PCDHA13: variants seen among roughly 807,000 people sequenced by gnomAD.
PCDHA13 encodes the protein protocadherin alpha 13.
Under a neutral mutation model 64.8 loss-of-function variants are expected in PCDHA13, and 54 were observed. The observed-to-expected ratio is 0.83, with a 90% CI of 0.67 to 1.04. The LOEUF (loss-of-function observed/expected upper bound fraction) is 1.04. Among genes scored for constraint, PCDHA13 ranks in the 50% least tolerant of loss-of-function variants. The pLI, the probability that PCDHA13 is intolerant of heterozygous loss-of-function variation, is 0.00. For synonymous variants in PCDHA13, 587 were observed against 564.4 expected (o/e 1.04, Z -0.57); for missense variants, 1,248 against 1,254.3 (o/e 0.99, Z 0.08).
rs2080357826 is a variant in PCDHA13 at position 140,921,739 on chromosome 5, G to T, written c.2394+37077G>T. The stretch of plus-strand genomic sequence containing the variant: ...CGAATTACTCCCATAAAAATTATAA[G>T]CATAACAGGACACTTCTTGGCTACT... On this transcript the variant is annotated intron_variant, in intron 1 of 3. Transcript: ENST00000289272. Among the ~76,000 whole-genome samples, 7 of 152,134 alleles carry T rather than the reference G, an allele frequency of 4.6e-5. No individual in the cohort carries two copies. In the South Asian group the frequency reaches 1.5e-3, roughly 32 times the overall value.
At position 140,978,454 on chromosome 5, in the gene PCDHA13, C is replaced by T. The variant is rs980177257; in HGVS notation, c.2395-495C>T. Among the ~76,000 whole-genome samples, 5 of 152,314 alleles carry T rather than the reference C, an allele frequency of 3.3e-5. No individual in the cohort carries two copies. The South Asian group carries it at 8.3e-4, about 25-fold the overall frequency. ...TGCTGGTGTTATGACTGGGCACATC[C>T]GCCCTGGGTCAAATATGCTGCAGTC... On this transcript the variant is annotated intron_variant, in intron 1 of 3. Coordinates refer to ENST00000289272, the MANE Select transcript of PCDHA13 (RefSeq NM_018904.3).
intron 1 of PCDHA13, among the ~76,000 whole-genome samples, chr5:140,922,818 C>T (rs530870255): frequency 6.6e-6 from 1 of 152,208 alleles, no homozygotes; most frequent in Admixed American, 6.5e-5. Flanking sequence ...GGAGATACAG[C>T]ATACTGCTAA....
At chr5:140,942,838 A>G (rs2093377015) in intron 1 of PCDHA13, among the ~76,000 whole-genome samples, 1 of 152,198 alleles carries the variant, frequency 6.6e-6, no homozygotes, top group Non-Finnish European at 1.5e-5. Context: ...GTCAATAAAA[A>G]TTCCAGTAAG....
chr5:140,987,008 G>T (rs958548514), intron 3 of PCDHA13, among the ~76,000 whole-genome samples: 1 of 152,142 alleles, frequency 6.6e-6, no homozygotes, highest in Non-Finnish European at 1.5e-5. Context: ...GAGGTCATGA[G>T]TTCGAGACCA....
intron 1 of PCDHA13, among the ~76,000 whole-genome samples, chr5:140,918,149 A>G (rs2078550151): frequency 1.3e-5 from 2 of 151,946 alleles, no homozygotes; most frequent in African/African-American, 4.8e-5. Flanking sequence ...CTTTTTGTGT[A>G]TGTCTATTGT....
At chr5:140,953,554 A>C (rs1554220985) in intron 1 of PCDHA13, among the ~76,000 whole-genome samples, 2 of 152,044 alleles carry the variant, frequency 1.3e-5, no homozygotes, top group Non-Finnish European at 2.9e-5. Flanking sequence ...TCTTTTCTCC[A>C]AGTTTTAGTG....
At chr5:140,895,038 C>G (rs1554186328) in intron 1 of PCDHA13, among the ~76,000 whole-genome samples, 1 of 152,104 alleles carries the variant, frequency 6.6e-6, no homozygotes, top group African/African-American at 2.4e-5. Context: ...TGTCCCCCAC[C>G]CACACCATTC....
intron 3 of PCDHA13, among the ~76,000 whole-genome samples, chr5:140,992,799 A>T (rs577698123): frequency 6.6e-6 from 1 of 152,274 alleles, no homozygotes; most frequent in African/African-American, 2.4e-5. Flanking sequence ...TTATGGATCC[A>T]TATGTATCTA....
intron 3 of PCDHA13, among the ~76,000 whole-genome samples, chr5:141,002,792 A>G (rs576285489): frequency 6.6e-6 from 1 of 152,306 alleles, no homozygotes; most frequent in South Asian, 2.1e-4. Context: ...CATTTTATGG[A>G]TGAGGAAACT....
At chr5:140,989,329 C>A (rs1554250749) in intron 3 of PCDHA13, among the ~76,000 whole-genome samples, 2 of 152,120 alleles carry the variant, frequency 1.3e-5, no homozygotes, top group African/African-American at 4.8e-5. Context: ...AACTTTGCCA[C>A]CTGACTCAGC....
intron 1 of PCDHA13, chr5:140,966,838 G>T: frequency 6.4e-7 from 1 of 1,566,772 alleles, no homozygotes. Flanking sequence ...CCTGGCTGCT[G>T]CTACTGCCTC....
chr5:140,997,123 A>T (rs1409528818), intron 3 of PCDHA13, among the ~76,000 whole-genome samples: 1 of 152,070 alleles, frequency 6.6e-6, no homozygotes, highest in African/African-American at 2.4e-5. Flanking sequence ...TCCCACATAC[A>T]CAATGCCCCC....
At chr5:140,946,314 T>C (rs1307176539) in intron 1 of PCDHA13, among the ~76,000 whole-genome samples, 2 of 151,808 alleles carry the variant, frequency 1.3e-5, no homozygotes, top group African/African-American at 4.8e-5. Flanking sequence ...ATGGCTATTA[T>C]TGAAAGAGGA....
rs1554203742 is a variant in PCDHA13 at position 140,926,854 on chromosome 5, G to A, written c.2394+42192G>A. 10 of 1,520,530 alleles carry A rather than the reference G, an allele frequency of 6.6e-6. No homozygotes were observed. In the South Asian group the frequency reaches 1.3e-4, roughly 20 times the overall value. The allele number at this position is 1,520,530 out of a possible 1,614,324, so 94.2% of individuals were successfully genotyped here. On this transcript the variant is annotated intron_variant, in intron 1 of 3. Transcript: ENST00000289272. Reference sequence around the variant, plus strand: ...GGAGCATGGTCCTGGGTCACCGTTGGTGTAGCGTGTTGGTGGAACGTGGAC... The same window carrying A: ...GGAGCATGGTCCTGGGTCACCGTTGATGTAGCGTGTTGGTGGAACGTGGAC...
At chr5:140,997,986 A>C (rs1554256110) in intron 3 of PCDHA13, among the ~76,000 whole-genome samples, 2 of 152,186 alleles carry the variant, frequency 1.3e-5, no homozygotes, top group African/African-American at 4.8e-5. Flanking sequence ...CACTTGTTAC[A>C]TACTTCCCTC....
chr5:140,918,238 T>A (rs1486197237), intron 1 of PCDHA13, among the ~76,000 whole-genome samples: 3 of 152,176 alleles, frequency 2.0e-5, no homozygotes, highest in African/African-American at 7.2e-5. Context: ...GTACATTGAT[T>A]TTGTATGCTG....
chr5:140,988,557 T>G (rs1236263807), intron 3 of PCDHA13, among the ~76,000 whole-genome samples: 3 of 152,190 alleles, frequency 2.0e-5, no homozygotes, highest in African/African-American at 7.2e-5. Context: ...CTTCATCTTC[T>G]TCTTGGGAAA....
intron 1 of PCDHA13, among the ~76,000 whole-genome samples, chr5:140,941,223 C>CTT (rs1276732463): frequency 3.0e-5 from 4 of 132,446 alleles, no homozygotes; most frequent in African/African-American, 1.2e-4. Context: ...TCCTTTCTTT[C>CTT]TTTCTTTCTT....
At chr5:140,978,873 A>G in intron 1 of PCDHA13, 76 bp from the exon 2 acceptor site, 2 of 1,608,618 alleles carry the variant, frequency 1.2e-6, no homozygotes, top group Non-Finnish European at 1.7e-6. Flanking sequence ...TAAGGGAGTA[A>G]CTAATCAATT....
Sources: allele counts gnomAD v4.1 joint callset (sites outside exome capture counted in the v4.1 genomes callset), GRCh38; gene constraint gnomAD v4.1.1; transcripts MANE v1.5; gene names NCBI Gene and HGNC (gene_info 2026-07-23, HGNC 2026-07-21).